Variants in FAAP100 observed in about 807,000 individuals in gnomAD.
FAAP100 encodes Fanconi anemia core complex-associated protein 100.
Under a neutral mutation model 65.8 loss-of-function variants are expected in FAAP100, and 46 were observed. The observed-to-expected ratio is 0.70, with a 90% CI of 0.55 to 0.89. The LOEUF (loss-of-function observed/expected upper bound fraction) is 0.89. FAAP100 is among the 40% of genes least tolerant of loss of function. FAAP100 has a pLI of 0.00. For synonymous variants in FAAP100, 663 were observed against 555.1 expected (o/e 1.19, Z -2.73); for missense variants, 1,165 against 1,196.7 (o/e 0.97, Z 0.39).
intron 3 of FAAP100, 89 bp downstream of exon 3, chr17:81,550,159 G>A: frequency 7.8e-7 from 1 of 1,278,472 alleles, no homozygotes; most frequent in Non-Finnish European, 1.1e-6. Flanking sequence ...AACAAGCCCA[G>A]GAAAGGAAGG....
intron 5 of FAAP100, 123 bp downstream of exon 5, chr17:81,546,772 TGAGGCCAGGAGCTC>T (rs2033315928): frequency 1.1e-6 from 1 of 948,588 alleles, no homozygotes. Flanking sequence ...GGAGATCAAT[TGAGGCCAGGAGCTC>T]GAGGCTGCAG....
In FAAP100 at chr17:81,540,946, A is replaced by C; in HGVS notation, c.2519T>G (p.Leu840Arg). 6.3e-7 allele frequency: 1 copy of C among 1,583,914 alleles called. No homozygotes were observed. Among genetic ancestry groups the C allele is most frequent in the Non-Finnish European group, 8.6e-7 (1 of 1,168,292 alleles). ...LRQIHANHET[L>R]LREVQTLRDR... is the part of the protein sequence containing the mutation. ...GCGCAGGGTCTGCACCTCCCGCAGC[A>C]GTGTCTGCAGGTGAAGCAGACACAG... is the stretch of plus-strand genomic sequence containing the variant. The change falls in exon 9 of 9, where the codon CTG becomes CGG. Residue 840 changes from leucine to arginine, a missense_variant. Leu to Arg is a moderately radical substitution (Grantham distance 102). Transcript: ENST00000327787.
chr17:81,540,604 G>A lies in FAAP100; in HGVS notation c.*215C>T. 1 of 610,768 alleles carries A rather than the reference G, an allele frequency of 1.6e-6. No individual in the cohort carries two copies. The highest frequency in any genetic ancestry group is 2.6e-6 in the Non-Finnish European group (1 of 389,296). 37.8% of individuals were successfully genotyped at this position (610,768 alleles called of 1,614,324 possible). On this transcript the variant is annotated 3_prime_UTR_variant, in exon 9 of 9. Coordinates refer to ENST00000327787, the MANE Select transcript of FAAP100 (RefSeq NM_025161.6). ...GAGGACGCGAAGCTGGACCGGCCAG[G>A]TTCAGAGCCCGCCTCGGTTGCTCCC...
chr17:81,548,013 G>A (rs1247371032), intron 4 of FAAP100: 2 of 697,878 alleles, frequency 2.9e-6, no homozygotes, highest in African/African-American at 1.8e-5. Flanking sequence ...GGCCACGCAG[G>A]GGCCGGGTGG....
At position 81,549,242 on chromosome 17, in the gene FAAP100, T is replaced by C; in HGVS notation, c.1367A>G (p.Lys456Arg). Residue 456 changes from lysine to arginine, a missense_variant, in exon 4 of 9, where the codon AAG becomes AGG. Lys to Arg is a conservative substitution (Grantham distance 26). Transcript: ENST00000327787. ...GTTGCCAATTCCAGACAGCAGCTCC[T>C]TTATTTTCTGACCTGCACTCTCTGT... ...MTTESAGQKI[K>R]ELLSGIGNIS... 1.2e-6 allele frequency: 2 copies of C among 1,612,966 alleles called. No individual in the cohort carries two copies. The highest frequency in any genetic ancestry group is 1.1e-5 in the South Asian group (1 of 91,070).
Position 81,549,264 on chromosome 17 carries a change from C to T in FAAP100, c.1345G>A (p.Glu449Lys). Reference sequence around the variant, plus strand: ...TCCTTTATTTTCTGACCTGCACTCTCTGTGGTCATCCTGGCTGGGCCAGGC... The same window carrying T: ...TCCTTTATTTTCTGACCTGCACTCTTTGTGGTCATCCTGGCTGGGCCAGGC... ...EMPGPARMTT[E>K]SAGQKIKELL... The change falls in exon 4 of 9, where the codon GAG becomes AAG. Residue 449 changes from glutamate to lysine, a missense_variant. Coordinates refer to ENST00000327787, the MANE Select transcript of FAAP100 (RefSeq NM_025161.6). 3.1e-6 allele frequency: 5 copies of T among 1,613,250 alleles called. No homozygotes were observed. The highest frequency in any genetic ancestry group is 3.4e-6 in the Non-Finnish European group (4 of 1,180,016).
At chr17:81,551,571 C>T (rs1019710742) in intron 2 of FAAP100, among the ~76,000 whole-genome samples, 4 of 152,210 alleles carry the variant, frequency 2.6e-5, no homozygotes, top group African/African-American at 9.7e-5. Flanking sequence ...AGATGGTGTC[C>T]ACTGATCACT....
rs1276312693 is a variant in FAAP100, at chr17:81,552,303, A to G, written c.28T>C (p.Tyr10His). 10 of 1,428,342 alleles carry G rather than the reference A, an allele frequency of 7.0e-6. No individual in the cohort carries two copies. In the African/African-American group the frequency reaches 1.4e-4, roughly 20 times the overall value. The allele number at this position is 1,428,342 out of a possible 1,614,324, so 88.5% of individuals were successfully genotyped here. The change falls in exon 1 of 9, where the codon TAC becomes CAC. Residue 10 changes from tyrosine to histidine, a missense_variant. By Grantham distance (83) the Tyr-to-His change is moderately conservative (BLOSUM62 2). Transcript: ENST00000327787. Reference sequence around the variant, plus strand: ...AGAGGGCAGCAGAAGCCCGCCAGGTAGCGGACCCGCGGCGCGGCGCCGGCC... The same window carrying G: ...AGAGGGCAGCAGAAGCCCGCCAGGTGGCGGACCCGCGGCGCGGCGCCGGCC... MAGAAPRVR[Y>H]LAGFCCPLGG... is the part of the protein sequence containing the mutation.
intron 4 of FAAP100, chr17:81,548,240 C>G (rs535872975): frequency 3.7e-6 from 2 of 542,346 alleles, no homozygotes; most frequent in African/African-American, 3.7e-5. Flanking sequence ...CTCTGAACGT[C>G]CCGAAGCCAG....
In FAAP100 at chr17:81,550,396, G is replaced by C. The variant is rs2143961616; in HGVS notation, c.1098C>G (p.Leu366=). ...TTCCCCGAGACAGATCCACCACACA[G>C]AGGTCAGAAGGGGTGCTGTGGTACA... ...GRVYHSTPSD[L]CVVDLSRGST... is the part of the protein sequence containing the mutation. Residue 366 remains leucine, a synonymous_variant, in exon 3 of 9, where the codon CTC becomes CTG. Coordinates refer to ENST00000327787, the MANE Select transcript of FAAP100 (RefSeq NM_025161.6). 1 of 1,612,766 alleles carries C rather than the reference G, an allele frequency of 6.2e-7. No homozygotes were observed. The highest frequency in any genetic ancestry group is 2.2e-5 in the East Asian group (1 of 44,882).
rs758397007 is a variant in FAAP100 at position 81,552,155 on chromosome 17, C to A, written c.165+11G>T. On this transcript the variant is annotated intron_variant, in intron 1 of 8. Coordinates refer to ENST00000327787, the MANE Select transcript of FAAP100 (RefSeq NM_025161.6). ...GCCCGGTCCCTCCCGCCCCCGCGGG[C>A]CGGCGCTCACGGTCAGCAGCCCGCC... 278 of 1,490,824 alleles carry A rather than the reference C, an allele frequency of 1.9e-4. No homozygotes were observed. Among genetic ancestry groups the A allele is most frequent in the Non-Finnish European group, 2.4e-4 (267 of 1,127,958 alleles). The allele number at this position is 1,490,824 out of a possible 1,614,324, so 92.3% of individuals were successfully genotyped here. A position where few individuals can be genotyped will look rare whatever the true frequency, so the allele number is the denominator to read the frequency against.
At chr17:81,545,476 T>C (rs1201922214) in intron 6 of FAAP100, among the ~76,000 whole-genome samples, 1 of 152,224 alleles carries the variant, frequency 6.6e-6, no homozygotes, top group African/African-American at 2.4e-5. Flanking sequence ...GAACCCGCTA[T>C]GACTTCAGTC....
chr17:81,546,118 G>A (rs377096187), intron 5 of FAAP100, among the ~76,000 whole-genome samples: 5 of 152,212 alleles, frequency 3.3e-5, no homozygotes, highest in Admixed American at 6.5e-5. Flanking sequence ...TGGCAGTTAC[G>A]ATCTGTGGAA....
chr17:81,541,180 C>CAGGCCCATGGGAGCG, intron 8 of FAAP100, 129 bp downstream of exon 8: 1 of 1,197,172 alleles, frequency 8.4e-7, no homozygotes, highest in Non-Finnish European at 1.2e-6. Flanking sequence ...GACTTTGCCC[C>CAGGCCCATGGGAGCG]AGGCCCATGG....
intron 5 of FAAP100, 84 bp from the exon 6 acceptor site, chr17:81,545,966 C>T: frequency 1.3e-6 from 2 of 1,486,666 alleles, no homozygotes; most frequent in South Asian, 1.3e-5. Context: ...ATCTGCATAC[C>T]TGCCCCAAAG....
chr17:81,544,151 C>T (rs2033213866), intron 6 of FAAP100, 31 bp from the exon 7 acceptor site: 1 of 1,553,250 alleles, frequency 6.4e-7, no homozygotes, highest in Non-Finnish European at 8.9e-7. Flanking sequence ...CACTGCCTGC[C>T]TGTGGCACTC....
chr17:81,541,522 C>G, intron 7 of FAAP100, 127 bp from the exon 8 acceptor site: 1 of 798,380 alleles, frequency 1.3e-6, no homozygotes, highest in Non-Finnish European at 2.1e-6. Context: ...CCCTCCCCAC[C>G]CCAGCGCTTT....
Position 81,548,268 on chromosome 17 carries a change from C to A in FAAP100, c.1404-590G>T, listed in dbSNP as rs1375517370. The stretch of plus-strand genomic sequence containing the variant: ...GAAGCCAGTGCTGCGGGAGGAAAAG[C>A]ACACTGGATCCTGTGCTGAGAGCAG... On this transcript the variant is annotated intron_variant, in intron 4 of 8. Transcript: ENST00000327787. 5 of 506,874 alleles carry A rather than the reference C, an allele frequency of 9.9e-6. No homozygotes were observed. In the East Asian group the frequency reaches 1.2e-4, roughly 12 times the overall value. The allele number at this position is 506,874 out of a possible 1,614,324, so 31.4% of individuals were successfully genotyped here.
chr17:81,547,758 G>T, intron 4 of FAAP100, 80 bp from the exon 5 acceptor site: 1 of 1,512,996 alleles, frequency 6.6e-7, no homozygotes, highest in East Asian at 2.3e-5. Flanking sequence ...AGGCCTGGTA[G>T]GCACCGAGCC....
Sources: allele counts gnomAD v4.1 joint callset (sites outside exome capture counted in the v4.1 genomes callset), GRCh38; gene constraint gnomAD v4.1.1; transcripts MANE v1.5; gene names NCBI Gene and HGNC (gene_info 2026-07-23, HGNC 2026-07-21).